Variants in PRDM15 observed in about 807,000 individuals in gnomAD.
PRDM15 encodes the protein PR/SET domain 15, also known as PR domain zinc finger protein 15.
Under a neutral mutation model 128.6 loss-of-function variants are expected in PRDM15, and 64 were observed. The ratio of observed to expected loss-of-function variants is 0.50; its 90% CI spans 0.41 to 0.61. The LOEUF (loss-of-function observed/expected upper bound fraction) is 0.61, where lower values mean the gene tolerates loss of function less well. Ranked by LOEUF, PRDM15 falls within the 20% of genes least tolerant of loss-of-function variation. The pLI is 0.00. For missense variants in PRDM15, 1,242 were observed against 1,569.1 expected (o/e 0.79, Z 3.52); for synonymous variants, 615 against 621.8 (o/e 0.99, Z 0.16).
intron 5 of PRDM15, 23 bp from the exon 6 acceptor site, chr21:41,847,214 A>C (rs1369762548): frequency 6.6e-7 from 1 of 1,509,064 alleles, no homozygotes; most frequent in Admixed American, 2.0e-5. Flanking sequence ...TGAGAGGAGA[A>C]AAAGGTGACC....
chr21:41,848,286 AG>A (rs2063328707), intron 5 of PRDM15, among the ~76,000 whole-genome samples: 1 of 152,398 alleles, frequency 6.6e-6, no homozygotes, highest in African/African-American at 2.4e-5. Flanking sequence ...AAAAAGATAT[AG>A]GTTACTGCTA....
At chr21:41,823,074 G>A (rs2062337916) in intron 14 of PRDM15, 1 of 473,734 alleles carries the variant, frequency 2.1e-6, no homozygotes, top group Non-Finnish European at 3.9e-6. Flanking sequence ...CCTTATAGAA[G>A]AGATCCCTAC....
At chr21:41,833,913 G>A (rs1432186445) in intron 11 of PRDM15, among the ~76,000 whole-genome samples, 1 of 152,196 alleles carries the variant, frequency 6.6e-6, no homozygotes, top group African/African-American at 2.4e-5. Flanking sequence ...TGGGAACCCC[G>A]AAACCCTCGC....
At chr21:41,836,421 C>T (rs376225075) in intron 9 of PRDM15, 47 bp downstream of exon 9, 556 of 1,571,754 alleles carry the variant, frequency 3.5e-4, no homozygotes, top group Middle Eastern at 6.9e-4. Flanking sequence ...CCCCCAGCCC[C>T]AGTCCTGGCC....
At chr21:41,842,777 C>T (rs1481447455) in intron 6 of PRDM15, among the ~76,000 whole-genome samples, 1 of 146,244 alleles carries the variant, frequency 6.8e-6, no homozygotes, top group Non-Finnish European at 1.5e-5. Context: ...CCATGAGCCA[C>T]TACGCCTGGC....
intron 3 of PRDM15, chr21:41,858,970 G>A (rs2063725343): frequency 7.7e-7 from 1 of 1,304,884 alleles, no homozygotes; most frequent in East Asian, 2.6e-5. Flanking sequence ...CACCCCACGG[G>A]AACTGCCATC....
At chr21:41,837,820 C>T in intron 8 of PRDM15, 114 bp downstream of exon 8, 1 of 1,154,994 alleles carries the variant, frequency 8.7e-7, no homozygotes, top group Non-Finnish European at 1.3e-6. Flanking sequence ...AGGTCTGTTT[C>T]CATCTCCTTC....
intron 1 of PRDM15, chr21:41,875,061 C>A (rs903366727): frequency 2.0e-5 from 3 of 152,376 alleles, no homozygotes; most frequent in African/African-American, 7.2e-5. Flanking sequence ...TCATGTAGGA[C>A]GAGTGGCTTC....
chr21:41,861,545 A>G lies in PRDM15; in HGVS notation c.-9-1173T>C, dbSNP rs771976016. The G allele has an allele frequency of 2.4e-5, 36 of 1,528,784 alleles. No individual in the cohort carries two copies. In the South Asian group the frequency reaches 3.4e-4, roughly 14 times the overall value. 94.7% of individuals were successfully genotyped at this position (1,528,784 alleles called of 1,614,324 possible). ...ATTATTCCTCCTCTGCCCCCCCCCA[A>G]TCCCCAACTGTGCGCACCGGCATGT... On this transcript the variant is annotated intron_variant, in intron 1 of 23. Transcript: ENST00000398548.
chr21:41,852,623 G>A (rs1053696806), intron 5 of PRDM15, among the ~76,000 whole-genome samples: 2 of 152,256 alleles, frequency 1.3e-5, no homozygotes, highest in Non-Finnish European at 2.9e-5. Context: ...GTCTTTCTCT[G>A]CGAAGGGTGC....
At chr21:41,830,340 CCA>C (rs1229968845) in intron 11 of PRDM15, among the ~76,000 whole-genome samples, 2 of 151,170 alleles carry the variant, frequency 1.3e-5, no homozygotes, top group Admixed American at 6.6e-5. Context: ...CACACACAAC[CCA>C]CACACAAATA....
Position 41,801,150 on chromosome 21 carries a change from CTT to C in PRDM15, c.*88_*89del, listed in dbSNP as rs1267273778. On this transcript the variant is annotated 3_prime_UTR_variant, in exon 24 of 24. Transcript: ENST00000398548. The stretch of plus-strand genomic sequence containing the variant: ...GTCAACCTTACATTGCAATGTATGA[CTT>C]TTTGTTTGTTTGGTATCCAGCAAAC... 3.4e-6 allele frequency: 5 copies of C among 1,483,306 alleles called. No homozygotes were observed. The highest frequency in any genetic ancestry group is 2.8e-5 in the African/African-American group (2 of 71,262). 91.9% of individuals were successfully genotyped at this position (1,483,306 alleles called of 1,614,324 possible).
At chr21:41,804,497 CAA>C in intron 22 of PRDM15, 35 bp downstream of exon 22, 1 of 1,516,692 alleles carries the variant, frequency 6.6e-7, no homozygotes, top group Non-Finnish European at 9.0e-7. Flanking sequence ...CCACTTACCC[CAA>C]AGTTTCTGAG....
intron 5 of PRDM15, among the ~76,000 whole-genome samples, chr21:41,848,614 G>GT (rs1413422830): frequency 1.3e-5 from 2 of 152,232 alleles, no homozygotes; most frequent in South Asian, 4.1e-4. Context: ...ACACTCGCAT[G>GT]TGAGTTTCAG....
chr21:41,834,449 G>C, intron 11 of PRDM15: 1 of 1,448,554 alleles, frequency 6.9e-7, no homozygotes, highest in Non-Finnish European at 9.5e-7. Flanking sequence ...ACACAGAGAT[G>C]CAAGTGACAG....
chr21:41,836,463 C>T lies in PRDM15; in HGVS notation c.1183+5G>A. 6.2e-7 allele frequency: 1 copy of T among 1,605,672 alleles called. No homozygotes were observed. Among genetic ancestry groups the T allele is most frequent in the Non-Finnish European group, 8.5e-7 (1 of 1,174,734 alleles). On this transcript the variant is annotated splice_donor_5th_base_variant and intron_variant, in intron 9 of 23. Coordinates refer to ENST00000398548, the MANE Select transcript of PRDM15 (RefSeq NM_001040424.3). ...CCGGGCGCCAGCCGGGCCTCGCGGA[C>T]TCACCATGCGAGCGCACGTGCCTGC... is the stretch of plus-strand genomic sequence containing the variant.
intron 21 of PRDM15, among the ~76,000 whole-genome samples, chr21:41,806,915 T>C (rs2061695769): frequency 7.6e-6 from 1 of 131,360 alleles, no homozygotes; most frequent in African/African-American, 3.0e-5. Flanking sequence ...ACCACTACCA[T>C]CCCTATCACC....
intron 5 of PRDM15, among the ~76,000 whole-genome samples, chr21:41,850,577 T>G (rs898806977): frequency 1.8e-4 from 28 of 151,552 alleles, no homozygotes; most frequent in African/African-American, 5.6e-4. Context: ...AAATAAAAAT[T>G]AAAAAAATTA....
At chr21:41,807,555 G>A (rs565147306) in intron 21 of PRDM15, among the ~76,000 whole-genome samples, 21 of 151,712 alleles carry the variant, frequency 1.4e-4, no homozygotes, top group African/African-American at 5.1e-4. Context: ...TGCTGTCTAG[G>A]GTCATCTCTT....
Sources: allele counts gnomAD v4.1 joint callset (sites outside exome capture counted in the v4.1 genomes callset), GRCh38; gene constraint gnomAD v4.1.1; transcripts MANE v1.5; gene names NCBI Gene and HGNC (gene_info 2026-07-23, HGNC 2026-07-21).